Variants in RFX4 observed in about 807,000 individuals in gnomAD.
RFX4 encodes transcription factor RFX4.
A neutral mutation model predicts 95.0 loss-of-function variants in RFX4; 10 were observed. That is an observed-to-expected ratio of 0.11 (90% confidence interval 0.06 to 0.18). The LOEUF (loss-of-function observed/expected upper bound fraction) is 0.18, where lower values mean the gene tolerates loss of function less well. Among genes scored for constraint, RFX4 ranks in the 10% least tolerant of loss-of-function variants. RFX4 has a pLI of 1.00. For synonymous variants in RFX4, 321 were observed against 340.7 expected (o/e 0.94, Z 0.64); for missense variants, 640 against 922.0 (o/e 0.69, Z 3.96).
intron 15 of RFX4, among the ~76,000 whole-genome samples, chr12:106,745,186 G>A (rs560815570): frequency 4.6e-5 from 7 of 151,636 alleles, no homozygotes; most frequent in Admixed American, 1.3e-4. Flanking sequence ...TTATTGTCTC[G>A]AATCTTTTAT....
At chr12:106,750,892 G>C in intron 17 of RFX4, 99 bp downstream of exon 17, 1 of 1,080,968 alleles carries the variant, frequency 9.3e-7, no homozygotes, top group Non-Finnish European at 1.2e-6. Flanking sequence ...TGTGTGTGCA[G>C]CGTGTGTGTC....
At chr12:106,618,848 A>G in intron 2 of RFX4, among the ~76,000 whole-genome samples, 1 of 152,086 alleles carries the variant, frequency 6.6e-6, no homozygotes, top group East Asian at 1.9e-4. Context: ...GAAGGGATTA[A>G]TAGAGTTTTT....
intron 3 of RFX4, among the ~76,000 whole-genome samples, chr12:106,648,746 C>T (rs141395612): frequency 2.0e-5 from 3 of 150,756 alleles, no homozygotes; most frequent in East Asian, 2.0e-4. Context: ...AAGAATACAT[C>T]GATCATGCTG....
chr12:106,666,858 T>G (rs2041186935), intron 4 of RFX4, among the ~76,000 whole-genome samples: 1 of 152,206 alleles, frequency 6.6e-6, no homozygotes. Flanking sequence ...TCACAGTTGT[T>G]TTAAATTCCT....
chr12:106,612,218 G>T (rs977839734), intron 2 of RFX4, among the ~76,000 whole-genome samples: 1 of 152,170 alleles, frequency 6.6e-6, no homozygotes, highest in Non-Finnish European at 1.5e-5. Context: ...CATCTTAATA[G>T]TAAGTCTTCC....
At chr12:106,637,907 T>A (rs1267649722) in intron 2 of RFX4, among the ~76,000 whole-genome samples, 1 of 152,180 alleles carries the variant, frequency 6.6e-6, no homozygotes, top group Non-Finnish European at 1.5e-5. Flanking sequence ...GCAATACTAA[T>A]TTTAATCCCA....
chr12:106,711,556 C>A (rs1192510558), intron 10 of RFX4, 45 bp downstream of exon 10: 6 of 1,546,526 alleles, frequency 3.9e-6, no homozygotes, highest in Middle Eastern at 1.7e-4. Flanking sequence ...TGAGTCATTG[C>A]AAATGAGGGG....
At chr12:106,651,717 G>A (rs2040860333) in intron 3 of RFX4, among the ~76,000 whole-genome samples, 2 of 152,188 alleles carry the variant, frequency 1.3e-5, no homozygotes, top group African/African-American at 4.8e-5. Context: ...GAAATAGGGA[G>A]GAGTGAGGAC....
chr12:106,583,444 A>G lies in RFX4; in HGVS notation c.43+81A>G, dbSNP rs2137154167. The G allele has an allele frequency of 3.6e-6, 5 of 1,399,544 alleles. No homozygotes were observed. The South Asian group carries it at 5.7e-5, about 16-fold the overall frequency. 86.7% of individuals were successfully genotyped at this position (1,399,544 alleles called of 1,614,324 possible). On this transcript the variant is annotated intron_variant, in intron 1 of 17. Transcript: ENST00000392842. ...GGGGGAACTTTAGAAAGAAGTTGGGAAAAGTTCAGACGGGTCAACTTGACA... is the reference window on the plus strand; with the variant it reads ...GGGGGAACTTTAGAAAGAAGTTGGGGAAAGTTCAGACGGGTCAACTTGACA...
At chr12:106,761,114 T>A (rs915909617) in intron 17 of RFX4, 83 bp from the exon 18 acceptor site, 25 of 1,428,132 alleles carry the variant, frequency 1.8e-5, no homozygotes, top group Non-Finnish European at 2.2e-5. Context: ...GAAATTTAAC[T>A]TAAACTATAA....
chr12:106,590,757 C>A (rs2039527725), intron 1 of RFX4, among the ~76,000 whole-genome samples: 1 of 152,130 alleles, frequency 6.6e-6, no homozygotes, highest in South Asian at 2.1e-4. Context: ...CCAGCCTGGG[C>A]AACATAGTGA....
At chr12:106,706,825 C>A (rs373834100) in intron 8 of RFX4, among the ~76,000 whole-genome samples, 1 of 152,182 alleles carries the variant, frequency 6.6e-6, no homozygotes, top group East Asian at 1.9e-4. Flanking sequence ...AACTAAACAT[C>A]TTTGGGAGAA....
At chr12:106,662,244 G>T in intron 4 of RFX4, 6 of 375,586 alleles carry the variant, frequency 1.6e-5, no homozygotes, top group South Asian at 1.3e-4. Flanking sequence ...AGTGTTCCAG[G>T]TTTTGGCCAT....
At chr12:106,746,128 C>G (rs61678455) in intron 15 of RFX4, among the ~76,000 whole-genome samples, 1 of 151,944 alleles carries the variant, frequency 6.6e-6, no homozygotes, top group African/African-American at 2.4e-5. Flanking sequence ...GAGGCAAAGG[C>G]GGGTGGGTCA....
chr12:106,629,441 C>T (rs2040371519), intron 2 of RFX4, among the ~76,000 whole-genome samples: 1 of 152,092 alleles, frequency 6.6e-6, no homozygotes, highest in South Asian at 2.1e-4. Flanking sequence ...ACCTTCCATA[C>T]AGGGAAGCCC....
intron 1 of RFX4, among the ~76,000 whole-genome samples, chr12:106,598,178 A>T (rs1480616550): frequency 6.6e-6 from 1 of 152,214 alleles, no homozygotes; most frequent in Admixed American, 6.5e-5. Flanking sequence ...TTAGTCACTA[A>T]TCCCACCTGG....
intron 17 of RFX4, among the ~76,000 whole-genome samples, chr12:106,751,977 A>G (rs2043014658): frequency 7.1e-6 from 1 of 140,610 alleles, no homozygotes; most frequent in South Asian, 2.4e-4. Context: ...TTTTGTTGCC[A>G]TTGCTTTTGG....
At chr12:106,606,533 G>A (rs553128084) in intron 1 of RFX4, among the ~76,000 whole-genome samples, 5 of 152,300 alleles carry the variant, frequency 3.3e-5, no homozygotes, top group African/African-American at 7.2e-5. Flanking sequence ...TTTGGATACA[G>A]TGTGATGACA....
At chr12:106,728,689 C>T (rs1238960435) in intron 13 of RFX4, among the ~76,000 whole-genome samples, 1 of 152,162 alleles carries the variant, frequency 6.6e-6, no homozygotes, top group African/African-American at 2.4e-5. Flanking sequence ...TTCTGTATCT[C>T]CTTTTCATTT....
Sources: allele counts gnomAD v4.1 joint callset (sites outside exome capture counted in the v4.1 genomes callset), GRCh38; gene constraint gnomAD v4.1.1; transcripts MANE v1.5; gene names NCBI Gene and HGNC (gene_info 2026-07-23, HGNC 2026-07-21).